Variants in CSNK2A2IP observed in about 807,000 individuals in gnomAD.
CSNK2A2IP encodes casein kinase II subunit alpha'-interacting protein.
At chr3:88,419,161 T>C in the CSNK2A2IP span, among the ~76,000 whole-genome samples, 1 of 152,170 alleles carries the variant, frequency 6.6e-6, no homozygotes, top group South Asian at 2.1e-4. Flanking sequence ...TATATTACAA[T>C]GTAATAATAA....
the CSNK2A2IP span, among the ~76,000 whole-genome samples, chr3:88,412,615 C>A: frequency 1.3e-5 from 2 of 151,978 alleles, no homozygotes; most frequent in African/African-American, 4.8e-5. Flanking sequence ...TGCCACTAGA[C>A]AAAATGTGAT....
chr3:88,362,712 G>A, the CSNK2A2IP span, among the ~76,000 whole-genome samples: 1 of 152,170 alleles, frequency 6.6e-6, no homozygotes, highest in Non-Finnish European at 1.5e-5. Context: ...ACGCTAAGGT[G>A]GCAGATTCCC....
the CSNK2A2IP span, among the ~76,000 whole-genome samples, chr3:88,446,098 CTTTTTTTCTTTCTTTCTTTT>C: frequency 2.7e-4 from 20 of 74,294 alleles, no homozygotes; most frequent in African/African-American, 1.1e-3. Context: ...TTCTTTCTTT[CTTTTTTTCTTTCTTTCTTTT>C]TTTTCTTTCT....
the CSNK2A2IP span, among the ~76,000 whole-genome samples, chr3:88,428,029 G>C: frequency 3.9e-5 from 6 of 152,260 alleles, no homozygotes; most frequent in African/African-American, 1.2e-4. Flanking sequence ...AGCCAGAAGG[G>C]GGGCTGTGGG....
At chr3:88,352,869 A>G in the CSNK2A2IP span, among the ~76,000 whole-genome samples, 2 of 152,098 alleles carry the variant, frequency 1.3e-5, no homozygotes, top group Admixed American at 6.6e-5. Context: ...ATTACTCTTT[A>G]CTCAATATGA....
chr3:88,420,887 A>G, the CSNK2A2IP span, among the ~76,000 whole-genome samples: 1 of 152,304 alleles, frequency 6.6e-6, no homozygotes, highest in African/African-American at 2.4e-5. Flanking sequence ...TAACTCATGT[A>G]ATGGGAGTTG....
chr3:88,442,316 G>A, the CSNK2A2IP span, among the ~76,000 whole-genome samples: 26,423 of 151,968 alleles, frequency 0.17, 2,764 homozygotes, highest in African/African-American at 0.28. Context: ...CTGGGATCAC[G>A]AGCACAAACC....
chr3:88,424,940 G>T, the CSNK2A2IP span, among the ~76,000 whole-genome samples: 2 of 151,940 alleles, frequency 1.3e-5, no homozygotes, highest in Non-Finnish European at 1.5e-5. Flanking sequence ...TAAAGAGGTT[G>T]ACAGAACTGC....
At chr3:88,384,368 T>TA in the CSNK2A2IP span, among the ~76,000 whole-genome samples, 61,559 of 133,420 alleles carry the variant, frequency 0.46, 14,451 homozygotes, top group South Asian at 0.64. Flanking sequence ...AACCCAAAAT[T>TA]AAAAAAAAAA....
At chr3:88,401,464 A>T in the CSNK2A2IP span, among the ~76,000 whole-genome samples, 5 of 152,132 alleles carry the variant, frequency 3.3e-5, no homozygotes, top group African/African-American at 2.4e-5. Flanking sequence ...ATTTTCATTA[A>T]ATTATAAAAC....
the CSNK2A2IP span, among the ~76,000 whole-genome samples, chr3:88,359,736 A>G: frequency 9.8e-5 from 15 of 152,310 alleles, no homozygotes; most frequent in African/African-American, 2.9e-4. Flanking sequence ...GATACTTGGC[A>G]TGATTTCAAT....
At chr3:88,427,723 A>G in the CSNK2A2IP span, among the ~76,000 whole-genome samples, 1 of 152,174 alleles carries the variant, frequency 6.6e-6, no homozygotes, top group Non-Finnish European at 1.5e-5. Flanking sequence ...CATGGAAGTC[A>G]AGAACTGAGG....
chr3:88,423,028 A>T, the CSNK2A2IP span, among the ~76,000 whole-genome samples: 1 of 152,196 alleles, frequency 6.6e-6, no homozygotes, highest in Non-Finnish European at 1.5e-5. Context: ...TCCTTGAAGA[A>T]GCCTGGTGAG....
the CSNK2A2IP span, among the ~76,000 whole-genome samples, chr3:88,355,502 A>C: frequency 6.6e-6 from 1 of 152,128 alleles, no homozygotes; most frequent in South Asian, 2.1e-4. Flanking sequence ...TCTGGGTCTA[A>C]ATGTCTTTGG....
At chr3:88,400,573 A>G in the CSNK2A2IP span, among the ~76,000 whole-genome samples, 2 of 152,162 alleles carry the variant, frequency 1.3e-5, no homozygotes, top group Non-Finnish European at 2.9e-5. Flanking sequence ...AAAATTGGAG[A>G]TCATTTTCTA....
the CSNK2A2IP span, among the ~76,000 whole-genome samples, chr3:88,351,583 A>G: frequency 1.3e-5 from 2 of 152,134 alleles, no homozygotes; most frequent in Non-Finnish European, 2.9e-5. Flanking sequence ...ACATTTTTAC[A>G]AGAATGATAT....
At chr3:88,386,335 G>A in the CSNK2A2IP span, among the ~76,000 whole-genome samples, 7 of 152,036 alleles carry the variant, frequency 4.6e-5, no homozygotes, top group East Asian at 9.7e-4. Flanking sequence ...CATGTTGGCC[G>A]GGCCAGTCTC....
the CSNK2A2IP span, chr3:88,466,917 T>G: frequency 8.1e-7 from 1 of 1,231,062 alleles, no homozygotes; most frequent in Non-Finnish European, 1.0e-6. Context: ...TGAAATTAGT[T>G]CTTATCCTTT....
At chr3:88,402,251 T>A in the CSNK2A2IP span, among the ~76,000 whole-genome samples, 1 of 152,032 alleles carries the variant, frequency 6.6e-6, no homozygotes, top group Non-Finnish European at 1.5e-5. Flanking sequence ...ACAATGAACA[T>A]TTAGAAAATT....
Sources: allele counts gnomAD v4.1 joint callset (sites outside exome capture counted in the v4.1 genomes callset), GRCh38; gene constraint gnomAD v4.1.1; transcripts MANE v1.5; gene names NCBI Gene and HGNC (gene_info 2026-07-23, HGNC 2026-07-21).